Variants in SPATA17 observed in about 807,000 individuals in gnomAD.
SPATA17 encodes the protein spermatogenesis associated 17.
A neutral mutation model predicts 62.2 loss-of-function variants in SPATA17; 53 were observed. That is an observed-to-expected ratio of 0.85 (90% confidence interval 0.68 to 1.07). The LOEUF (loss-of-function observed/expected upper bound fraction) is 1.07. Ranked by LOEUF, SPATA17 falls within the 50% of genes least tolerant of loss-of-function variation. The probability of loss-of-function intolerance (pLI) is 0.00; values close to 1 mark genes in which losing one functional copy is unlikely to be tolerated. For synonymous variants in SPATA17, 146 were observed against 146.8 expected (o/e 0.99, Z 0.04); for missense variants, 466 against 425.5 (o/e 1.10, Z -0.84).
intron 7 of SPATA17, among the ~76,000 whole-genome samples, chr1:217,776,137 G>A (rs1673584003): frequency 6.6e-6 from 1 of 152,148 alleles, no homozygotes; most frequent in South Asian, 2.1e-4. Flanking sequence ...TCATAGTAGA[G>A]ATGGGAAATC....
At chr1:217,640,643 TAAAAA>T (rs1478593899) in intron 1 of SPATA17, among the ~76,000 whole-genome samples, 1 of 151,982 alleles carries the variant, frequency 6.6e-6, no homozygotes, top group African/African-American at 2.4e-5. Context: ...AAAATAAAAA[TAAAAA>T]CTGTAAATAA....
rs116985060 is a variant in SPATA17, at chr1:217,766,482, G to A, written c.520-7852G>A. Among the ~76,000 whole-genome samples, 11 of 151,292 alleles carry A rather than the reference G, an allele frequency of 7.3e-5. No individual in the cohort carries two copies. In the East Asian group the frequency reaches 7.8e-4, roughly 11 times the overall value. On this transcript the variant is annotated intron_variant, in intron 6 of 10. Coordinates refer to ENST00000366933, the MANE Select transcript of SPATA17 (RefSeq NM_138796.4). ...ACCTTATAATAACAAAATAATTATCGTTTCTCCATCCCATCTCTTATATTA... is the reference window on the plus strand; with the variant it reads ...ACCTTATAATAACAAAATAATTATCATTTCTCCATCCCATCTCTTATATTA...
chr1:217,829,627 CAAAAAAAAAAAAAAAAAA>C lies in SPATA17; in HGVS notation c.1005+27787_1005+27804del, dbSNP rs397982930. 4.1e-4 allele frequency among the ~76,000 whole-genome samples: 19 copies of C among 46,758 alleles called. No individual in the cohort carries two copies. The Admixed American group carries it at 4.9e-3, about 12-fold the overall frequency. 30.7% of individuals were successfully genotyped at this position (46,758 alleles called of 152,430 possible). A position where few individuals can be genotyped will look rare whatever the true frequency, so the allele number is the denominator to read the frequency against. ...TGGGTGACAGAGCGAGACTCCATCT[CAAAAAAAAAAAAAAAAAA>C]AAAAAAAAATACTGCATTTACTCAC... On this transcript the variant is annotated intron_variant, in intron 9 of 10. Transcript: ENST00000366933.
intron 6 of SPATA17, among the ~76,000 whole-genome samples, chr1:217,746,011 T>A (rs781668493): frequency 1.3e-5 from 2 of 152,118 alleles, no homozygotes; most frequent in South Asian, 2.1e-4. Context: ...GGGGAGAAAT[T>A]AAGCTGCAGA....
intron 5 of SPATA17, among the ~76,000 whole-genome samples, chr1:217,723,953 G>A (rs1398110596): frequency 6.6e-6 from 1 of 152,196 alleles, no homozygotes; most frequent in East Asian, 1.9e-4. Context: ...GTCCTCTGAA[G>A]GGACATGGGC....
chr1:217,642,673 C>G (rs1274671321), intron 1 of SPATA17, among the ~76,000 whole-genome samples: 5 of 152,160 alleles, frequency 3.3e-5, no homozygotes, highest in Admixed American at 3.3e-4. Flanking sequence ...CTCACCAGAT[C>G]TGATGGTTTT....
chr1:217,828,699 C>A (rs548361013), intron 9 of SPATA17, among the ~76,000 whole-genome samples: 2 of 152,160 alleles, frequency 1.3e-5, no homozygotes, highest in South Asian at 4.1e-4. Context: ...AACCACTCAT[C>A]TGATAAGGGT....
At chr1:217,724,236 C>G (rs1458731961) in intron 5 of SPATA17, among the ~76,000 whole-genome samples, 1 of 152,112 alleles carries the variant, frequency 6.6e-6, no homozygotes, top group African/African-American at 2.4e-5. Flanking sequence ...TGCATTTATA[C>G]TGTTATCTTC....
chr1:217,849,465 A>T lies in SPATA17; in HGVS notation c.1006-13309A>T, dbSNP rs141854625. ...AGTCCTTTCCTAAAAAAACAAACTTATACAATTTAGTTCACAAAACTTTGT... is the reference window on the plus strand; with the variant it reads ...AGTCCTTTCCTAAAAAAACAAACTTTTACAATTTAGTTCACAAAACTTTGT... On this transcript the variant is annotated intron_variant, in intron 9 of 10. Transcript: ENST00000366933. Among the ~76,000 whole-genome samples the T allele has an allele frequency of 3.1e-3, 477 of 152,280 alleles. 7 individuals are homozygous for T. Among genetic ancestry groups the T allele is most frequent in the Non-Finnish European group, 2.0e-3 (134 of 68,010 alleles).
intron 8 of SPATA17, among the ~76,000 whole-genome samples, chr1:217,788,953 C>T (rs930788769): frequency 9.9e-5 from 15 of 152,086 alleles, no homozygotes; most frequent in African/African-American, 3.4e-4. Context: ...TAATTATAAT[C>T]CTGAGCTAAA....
At chr1:217,785,469 A>C (rs1024320013) in intron 8 of SPATA17, among the ~76,000 whole-genome samples, 1 of 152,060 alleles carries the variant, frequency 6.6e-6, no homozygotes, top group African/African-American at 2.4e-5. Flanking sequence ...CAAAGGGGGA[A>C]GTGCCACACT....
chr1:217,757,364 T>A (rs1259937578), intron 6 of SPATA17, among the ~76,000 whole-genome samples: 1 of 152,204 alleles, frequency 6.6e-6, no homozygotes, highest in African/African-American at 2.4e-5. Flanking sequence ...AGTTCCATCA[T>A]TAAATCTACC....
chr1:217,635,146 G>C (rs989270889), intron 1 of SPATA17, among the ~76,000 whole-genome samples: 1 of 152,168 alleles, frequency 6.6e-6, no homozygotes. Context: ...AAGTTAGAAT[G>C]TTCCTCTTCC....
At chr1:217,746,783 C>A (rs1052806977) in intron 6 of SPATA17, among the ~76,000 whole-genome samples, 4 of 151,832 alleles carry the variant, frequency 2.6e-5, no homozygotes, top group African/African-American at 4.8e-5. Context: ...AAGTAAATAA[C>A]TAATATTGCA....
Position 217,729,404 on chromosome 1 carries a change from C to A in SPATA17, c.396-12571C>A, listed in dbSNP as rs574531192. On this transcript the variant is annotated intron_variant, in intron 5 of 10. Transcript: ENST00000366933. ...ACCTCAAGATAACATTTCAGTAAAC[C>A]TCATTTTAAAAACATAATATTACGA... Among the ~76,000 whole-genome samples, 33 of 152,150 alleles carry A rather than the reference C, an allele frequency of 2.2e-4. No homozygotes were observed. The South Asian group carries it at 6.6e-3, about 31-fold the overall frequency.
intron 1 of SPATA17, among the ~76,000 whole-genome samples, chr1:217,641,035 C>A (rs1571698337): frequency 6.6e-6 from 1 of 151,896 alleles, no homozygotes; most frequent in African/African-American, 2.4e-5. Context: ...GTGAAATAAA[C>A]AGTAGATAAA....
chr1:217,748,207 G>A (rs891733075), intron 6 of SPATA17, among the ~76,000 whole-genome samples: 1 of 150,874 alleles, frequency 6.6e-6, no homozygotes, highest in African/African-American at 2.4e-5. Flanking sequence ...GGAGGCTGAG[G>A]CAGGAGAATG....
chr1:217,705,428 G>GTTTT (rs1558573363), intron 5 of SPATA17, among the ~76,000 whole-genome samples: 5 of 59,604 alleles, frequency 8.4e-5, no homozygotes, highest in Non-Finnish European at 1.1e-4. Flanking sequence ...GATTCTAGTT[G>GTTTT]TCTTTTTTTT....
chr1:217,703,601 A>C (rs1671654143), intron 5 of SPATA17, among the ~76,000 whole-genome samples: 1 of 152,162 alleles, frequency 6.6e-6, no homozygotes, highest in Non-Finnish European at 1.5e-5. Context: ...ATGTTATTTT[A>C]TCACAATGTA....
Sources: allele counts gnomAD v4.1 joint callset (sites outside exome capture counted in the v4.1 genomes callset), GRCh38; gene constraint gnomAD v4.1.1; transcripts MANE v1.5; gene names NCBI Gene and HGNC (gene_info 2026-07-23, HGNC 2026-07-21).